Variants in RIMS3 observed in about 807,000 individuals in gnomAD.
RIMS3 encodes the protein regulating synaptic membrane exocytosis 3.
A neutral mutation model predicts 29.2 loss-of-function variants in RIMS3; 15 were observed. The observed-to-expected ratio is 0.51, with a 90% CI of 0.34 to 0.79. The LOEUF (loss-of-function observed/expected upper bound fraction) is 0.79, where lower values mean the gene tolerates loss of function less well. RIMS3 is among the 30% of genes least tolerant of loss of function. The probability of loss-of-function intolerance (pLI) is 0.01; values close to 1 mark genes in which losing one functional copy is unlikely to be tolerated. For missense variants in RIMS3, 342 were observed against 421.4 expected, an observed-to-expected ratio of 0.81 and a Z score of 1.65; for synonymous variants, 161 against 170.1, an observed-to-expected ratio of 0.95 and a Z score of 0.41.
intron 1 of RIMS3, among the ~76,000 whole-genome samples, chr1:40,648,526 G>A (rs1646609315): frequency 6.6e-6 from 1 of 152,236 alleles, no homozygotes. Flanking sequence ...CTAAAGTGGG[G>A]ACGATAATGC....
intron 5 of RIMS3, among the ~76,000 whole-genome samples, chr1:40,630,586 C>T (rs938387433): frequency 2.6e-5 from 4 of 152,210 alleles, no homozygotes; most frequent in Admixed American, 2.0e-4. Context: ...CACCTCCATC[C>T]AGCTATTCCT....
chr1:40,635,957 C>G lies in RIMS3; in HGVS notation c.318G>C (p.Glu106Asp). Residue 106 changes from glutamate to aspartate, a missense_variant, in exon 4 of 8, where the codon GAG (glutamate) becomes GAC (aspartate). Transcript: ENST00000372684. This position sits in a 1 kb window ranked among gnomAD's most constrained non-coding sequence, Gnocchi z 4.1. ...RSRVTRQGSR[E>D]STDGSTNSNS... ...TGCTGTTGGTGCTCCCATCGGTGGA[C>G]TCCCGGCTGCCCTGGCGTGTGACCC... is the stretch of plus-strand genomic sequence containing the variant. 6.2e-7 allele frequency: 1 copy of G among 1,612,458 alleles called. No individual in the cohort carries two copies. Among genetic ancestry groups the G allele is most frequent in the South Asian group, 1.1e-5 (1 of 91,078 alleles).
At chr1:40,669,391 G>A (rs1325709498), upstream of RIMS3, 1 of 152,146 alleles carries the variant, frequency 6.6e-6, no homozygotes, top group East Asian at 1.9e-4. Flanking sequence ...CAAACCTTTG[G>A]GAAAATTCAA....
chr1:40,686,781 C>T, the RIMS3 span, among the ~76,000 whole-genome samples: 73 of 152,336 alleles, frequency 4.8e-4, no homozygotes, highest in African/African-American at 1.5e-3. Flanking sequence ...CTCTTTCCTC[C>T]ATTCTCATTG....
intron 1 of RIMS3, among the ~76,000 whole-genome samples, chr1:40,661,214 T>C (rs1046989351): frequency 2.0e-5 from 3 of 152,130 alleles, no homozygotes; most frequent in Non-Finnish European, 4.4e-5. Context: ...TAATAGTACC[T>C]ACCTCATAGG....
At chr1:40,679,239 G>T in the RIMS3 span, among the ~76,000 whole-genome samples, 16 of 152,160 alleles carry the variant, frequency 1.1e-4, no homozygotes, top group African/African-American at 3.4e-4. Context: ...ACCAGCTGCT[G>T]CCAGAGCCTC....
At chr1:40,672,847 G>A in the RIMS3 span, among the ~76,000 whole-genome samples, 1 of 141,278 alleles carries the variant, frequency 7.1e-6, no homozygotes, top group African/African-American at 2.7e-5. Flanking sequence ...CTAGGTGACA[G>A]GGTAAGACCC....
At chr1:40,638,317 G>C (rs1646533808) in intron 3 of RIMS3, among the ~76,000 whole-genome samples, 1 of 152,168 alleles carries the variant, frequency 6.6e-6, no homozygotes, top group African/African-American at 2.4e-5. Context: ...GAAAGCTCTT[G>C]CAATCTCAGA....
chr1:40,636,114 G>A lies in RIMS3; in HGVS notation c.218-57C>T. 4 of 1,591,398 alleles carry A rather than the reference G, an allele frequency of 2.5e-6. No homozygotes were observed. The highest frequency in any genetic ancestry group is 3.4e-6 in the Non-Finnish European group (4 of 1,172,580). On this transcript the variant is annotated intron_variant, in intron 3 of 7. Transcript: ENST00000372684. This position sits in a 1 kb window ranked among gnomAD's most constrained non-coding sequence, Gnocchi z 4.2. ...GGAACAAGGTCAGATTATGAATGGG[G>A]CTTCTCTAAGAGTCCTGCCAAAGTC...
chr1:40,690,115 G>A, the RIMS3 span, among the ~76,000 whole-genome samples: 2 of 152,196 alleles, frequency 1.3e-5, no homozygotes, highest in East Asian at 1.9e-4. Context: ...GCCCCTAAGT[G>A]TGATCAATAC....
At chr1:40,668,303 T>A (rs917538688), upstream of RIMS3, among the ~76,000 whole-genome samples, 1 of 148,934 alleles carries the variant, frequency 6.7e-6, no homozygotes, top group Non-Finnish European at 1.5e-5. Flanking sequence ...ACACCTGTAG[T>A]CCCAGCTACC....
Position 40,654,426 on chromosome 1 carries a change from C to T in RIMS3, c.-206-6584G>A, listed in dbSNP as rs1056078403. 9.2e-5 allele frequency among the ~76,000 whole-genome samples: 14 copies of T among 152,156 alleles called. No individual in the cohort carries two copies. Among genetic ancestry groups the T allele is most frequent in the African/African-American group, 3.4e-4 (14 of 41,430 alleles). ...GACCCGCACGCAAGCCATACACCTC[C>T]GGTTGGCCACTCCGACGCGCCACAG... On this transcript the variant is annotated intron_variant, in intron 1 of 7. Transcript: ENST00000372684. This position sits in a 1 kb window ranked among gnomAD's most constrained non-coding sequence, Gnocchi z 5.3.
At chr1:40,665,999 C>T (rs1283859016), upstream of RIMS3, among the ~76,000 whole-genome samples, 1 of 152,214 alleles carries the variant, frequency 6.6e-6, no homozygotes. Context: ...ACCTCACAGG[C>T]ACCACGGCGC....
chr1:40,636,920 C>G lies in RIMS3; in HGVS notation c.218-863G>C, dbSNP rs148983623. On this transcript the variant is annotated intron_variant, in intron 3 of 7. Transcript: ENST00000372684. This position sits in a 1 kb window ranked among gnomAD's most constrained non-coding sequence, Gnocchi z 4.2. The stretch of plus-strand genomic sequence containing the variant: ...TCCTCGGCATTGCAGTGTGGTCCCT[C>G]TAGACACCCTCTCCTCCTGGCGGGG... Among the ~76,000 whole-genome samples, 31 of 152,348 alleles carry G rather than the reference C, an allele frequency of 2.0e-4. No individual in the cohort carries two copies. The East Asian group carries it at 5.8e-3, about 28-fold the overall frequency.
At chr1:40,655,429 G>GC (rs1201583791) in intron 1 of RIMS3, among the ~76,000 whole-genome samples, 1 of 152,084 alleles carries the variant, frequency 6.6e-6, no homozygotes, top group Admixed American at 6.6e-5. Context: ...ATCTCCATGA[G>GC]CCCCCCTCCC....
In RIMS3 at chr1:40,627,887, G is replaced by A. The variant is rs547158084; in HGVS notation, c.714+923C>T. Among the ~76,000 whole-genome samples the A allele has an allele frequency of 5.9e-5, 9 of 152,072 alleles. No individual in the cohort carries two copies. The East Asian group carries it at 1.7e-3, about 29-fold the overall frequency. ...CCCGAGTCTCTGGGATTATGGTTGT[G>A]AGCCACCATGTCTGGCTCTGCAGTT... is the stretch of plus-strand genomic sequence containing the variant. On this transcript the variant is annotated intron_variant, in intron 7 of 7. Coordinates refer to ENST00000372684, the MANE Select transcript of RIMS3 (RefSeq NM_014747.3).
intron 5 of RIMS3, 152 bp from the exon 6 acceptor site, chr1:40,629,524 G>C: frequency 1.4e-6 from 1 of 699,876 alleles, no homozygotes; most frequent in Non-Finnish European, 2.6e-6. Context: ...ACTGCTCTCG[G>C]AAGACCACTT....
At chr1:40,691,637 T>C in the RIMS3 span, 1 of 426,562 alleles carries the variant, frequency 2.3e-6, no homozygotes, top group East Asian at 9.2e-5. Flanking sequence ...GGAGCACAGC[T>C]TCTGCGCACC....
the RIMS3 span, among the ~76,000 whole-genome samples, chr1:40,671,586 C>T: frequency 6.6e-6 from 1 of 152,016 alleles, no homozygotes; most frequent in African/African-American, 2.4e-5. Flanking sequence ...ACCACCCGAC[C>T]ACTCTGTCTT....
Sources: allele counts gnomAD v4.1 joint callset (sites outside exome capture counted in the v4.1 genomes callset), GRCh38; gene constraint gnomAD v4.1.1; non-coding constraint Gnocchi (gnomAD v3.1); transcripts MANE v1.5; gene names NCBI Gene and HGNC (gene_info 2026-07-23, HGNC 2026-07-21).